Variants in PANK2 observed in about 807,000 individuals in gnomAD.
PANK2 encodes pantothenate kinase 2.
In PANK2, 36 loss-of-function variants were observed where a neutral mutation model predicts 43.1. That is an observed-to-expected ratio of 0.84 (90% CI 0.64 to 1.10). The LOEUF (loss-of-function observed/expected upper bound fraction) is 1.10, where lower values mean the gene tolerates loss of function less well. PANK2 is among the 50% of genes least tolerant of loss of function. PANK2 has a pLI of 0.00. For missense variants in PANK2, 576 were observed against 593.3 expected, an observed-to-expected ratio of 0.97 and a Z score of 0.30; for synonymous variants, 281 against 238.2, an observed-to-expected ratio of 1.18 and a Z score of -1.66.
chr20:3,889,444 T>C lies in PANK2; in HGVS notation c.14T>C (p.Leu5Pro). Residue 5 changes from leucine to proline, a missense_variant, in exon 1 of 7, where the codon CTC (leucine) becomes CCC (proline). Coordinates refer to ENST00000610179, the MANE Select transcript of PANK2 (RefSeq NM_001386393.1). ...AGGAATCCGACGCTGGGGGGCTTGC[T>C]CGGGCGGCAGCGACTGCTGCTGCGG... is the stretch of plus-strand genomic sequence containing the variant. The C allele has an allele frequency of 6.4e-7, 1 of 1,555,076 alleles. No individual in the cohort carries two copies. Among genetic ancestry groups the C allele is most frequent in the Non-Finnish European group, 8.6e-7 (1 of 1,156,542 alleles).
chr20:3,907,484 T>C (rs2146858149), intron 1 of PANK2, among the ~76,000 whole-genome samples: 1 of 152,272 alleles, frequency 6.6e-6, no homozygotes, highest in East Asian at 1.9e-4. Flanking sequence ...AATTGACCAT[T>C]GGAGGTTATA....
intron 4 of PANK2, among the ~76,000 whole-genome samples, chr20:3,913,799 T>G (rs1315015918): frequency 6.7e-6 from 1 of 148,172 alleles, no homozygotes; most frequent in Non-Finnish European, 1.5e-5. Context: ...TATTTTTTTT[T>G]TTTTTTTGAG....
At chr20:3,910,053 G>GA (rs571272076) in intron 2 of PANK2, among the ~76,000 whole-genome samples, 1 of 152,122 alleles carries the variant, frequency 6.6e-6, no homozygotes, top group Non-Finnish European at 1.5e-5. Context: ...TTTAGATAGT[G>GA]AAAAAAATCT....
chr20:3,917,942 C>G (rs1293349299), intron 5 of PANK2, among the ~76,000 whole-genome samples: 2 of 151,914 alleles, frequency 1.3e-5, no homozygotes, highest in African/African-American at 2.4e-5. Context: ...TTTATTTGAT[C>G]AAGTTCTTTT....
Position 3,889,481 on chromosome 20 carries a change from C to T in PANK2, c.51C>T (p.Gly17=), listed in dbSNP as rs1467534562. The change falls in exon 1 of 7, where the codon GGC becomes GGT. Residue 17 remains glycine (G), a synonymous_variant. Coordinates refer to ENST00000610179, the MANE Select transcript of PANK2 (RefSeq NM_001386393.1). ...GACTGCTGCTGCGGATGGGAGGGGG[C>T]CGGCTCGGCGCGCCCATGGAGCGCC... The T allele has an allele frequency of 1.3e-6, 2 of 1,493,760 alleles. No homozygotes were observed. Among genetic ancestry groups the T allele is most frequent in the Admixed American group, 4.7e-5 (2 of 42,972 alleles). 92.5% of individuals were successfully genotyped at this position (1,493,760 alleles called of 1,614,324 possible). A position where few individuals can be genotyped will look rare whatever the true frequency, so the allele number is the denominator to read the frequency against.
chr20:3,913,775 C>CATAT (rs1555788886), intron 4 of PANK2, among the ~76,000 whole-genome samples: 29 of 124,004 alleles, frequency 2.3e-4, no homozygotes, highest in Admixed American at 1.2e-3. Flanking sequence ...CACACACACA[C>CATAT]ATATATATAT....
chr20:3,892,466 T>C (rs1417900283), intron 1 of PANK2, among the ~76,000 whole-genome samples: 1 of 151,922 alleles, frequency 6.6e-6, no homozygotes, highest in Non-Finnish European at 1.5e-5. Context: ...GTTGGGAGGT[T>C]TGGGTATGGA....
Position 3,918,785 on chromosome 20 carries a change from T to C in PANK2, c.1321T>C (p.Ser441Pro). The stretch of plus-strand genomic sequence containing the variant: ...CAAGGGGCAGTTGAAAGCACTTTTT[T>C]CGGAACACGAGGTAAGCTGACTTGT... The change falls in exon 6 of 7, where the codon TCG (serine) becomes CCG (proline). Residue 441 changes from serine to proline, a missense_variant. By Grantham distance (74) the Ser-to-Pro change is moderately conservative. Coordinates refer to ENST00000610179, the MANE Select transcript of PANK2 (RefSeq NM_001386393.1). 6.2e-7 allele frequency: 1 copy of C among 1,614,244 alleles called. No individual in the cohort carries two copies. The highest frequency in any genetic ancestry group is 8.5e-7 in the Non-Finnish European group (1 of 1,180,036).
chr20:3,915,538 C>T (rs563210166), intron 4 of PANK2, among the ~76,000 whole-genome samples: 2 of 152,112 alleles, frequency 1.3e-5, no homozygotes, highest in African/African-American at 2.4e-5. Context: ...CCTCGTGATC[C>T]GCCCACCTTG....
At chr20:3,895,899 A>T (rs2090199143) in intron 1 of PANK2, among the ~76,000 whole-genome samples, 1 of 152,134 alleles carries the variant, frequency 6.6e-6, no homozygotes, top group Non-Finnish European at 1.5e-5. Context: ...TATTTTGGGA[A>T]TAAGAATAAT....
intron 2 of PANK2, 145 bp downstream of exon 2, chr20:3,908,423 G>T (rs1470421216): frequency 3.6e-6 from 3 of 824,130 alleles, no homozygotes; most frequent in Non-Finnish European, 5.7e-6. Context: ...CTAGTGATAG[G>T]AGTTGGCCAT....
upstream of PANK2, chr20:3,889,342 C>A (rs1458167287): frequency 1.9e-6 from 3 of 1,585,972 alleles, no homozygotes; most frequent in African/African-American, 1.3e-5. Flanking sequence ...TGGCTTCCTG[C>A]GCGTTGGCGC....
At chr20:3,890,051 C>G (rs2090094719) in intron 1 of PANK2, 1 of 754,046 alleles carries the variant, frequency 1.3e-6, no homozygotes, top group South Asian at 1.8e-5. Flanking sequence ...GAGAAGGCTT[C>G]TTTTGACTCA....
Position 3,916,975 on chromosome 20 carries a change from G to A in PANK2, c.1131G>A (p.Glu377=). The change falls in exon 5 of 7, where the codon GAG becomes GAA. Residue 377 remains glutamate (E), a synonymous_variant. Coordinates refer to ENST00000610179, the MANE Select transcript of PANK2 (RefSeq NM_001386393.1). ...AGAAGCGAGAGGCTGTCAGTAAAGA[G>A]GACCTGGCCAGAGCGACTTTGATCA... 1 of 1,614,066 alleles carries A rather than the reference G, an allele frequency of 6.2e-7. No homozygotes were observed. Among genetic ancestry groups the A allele is most frequent in the Non-Finnish European group, 8.5e-7 (1 of 1,180,012 alleles).
Position 3,923,518 on chromosome 20 carries a change from A to G in PANK2, c.*224A>G. On this transcript the variant is annotated 3_prime_UTR_variant, in exon 7 of 7. Coordinates refer to ENST00000610179, the MANE Select transcript of PANK2 (RefSeq NM_001386393.1). ...AACAACAAAAAAGTGGCACATGTCCAGGCAGTGTGAGGATTTGCTGTATAT... is the reference window on the plus strand; with the variant it reads ...AACAACAAAAAAGTGGCACATGTCCGGGCAGTGTGAGGATTTGCTGTATAT... 1.7e-6 allele frequency: 1 copy of G among 586,154 alleles called. No homozygotes were observed. The highest frequency in any genetic ancestry group is 3.0e-5 in the Admixed American group (1 of 33,524). The allele number at this position is 586,154 out of a possible 1,614,324, so 36.3% of individuals were successfully genotyped here. A position where few individuals can be genotyped will look rare whatever the true frequency, so the allele number is the denominator to read the frequency against.
At chr20:3,914,041 G>T (rs1013996932) in intron 4 of PANK2, among the ~76,000 whole-genome samples, 8 of 149,838 alleles carry the variant, frequency 5.3e-5, no homozygotes, top group East Asian at 4.1e-4. Context: ...CGCCCGCCTT[G>T]GCCTCCCAAA....
At position 3,889,721 on chromosome 20, in the gene PANK2, G is replaced by C. The variant is rs764439399; in HGVS notation, c.291G>C (p.Lys97Asn). Residue 97 changes from lysine to asparagine, a missense_variant, in exon 1 of 7, where the codon AAG (lysine) becomes AAC (asparagine). Physicochemically the swap from Lys to Asn is moderately conservative, Grantham distance 94. Around this residue, in one of 2 missense-constraint regions of PANK2, gnomAD observed 544 missense variants for 528.9 expected, o/e 1.03. Coordinates refer to ENST00000610179, the MANE Select transcript of PANK2 (RefSeq NM_001386393.1). The stretch of plus-strand genomic sequence containing the variant: ...AGCGCGTCGAAAGCCTGAGGAAAAA[G>C]CGGCCGCGTAAGTGTTCCGTGGGGC... 1 of 1,595,888 alleles carries C rather than the reference G, an allele frequency of 6.3e-7. No homozygotes were observed. The highest frequency in any genetic ancestry group is 1.1e-5 in the South Asian group (1 of 90,828).
chr20:3,893,604 A>G (rs1282053775), intron 1 of PANK2, among the ~76,000 whole-genome samples: 2 of 152,160 alleles, frequency 1.3e-5, no homozygotes, highest in African/African-American at 4.8e-5. Context: ...CTCGCAAGGC[A>G]TGTTGTAGCA....
intron 4 of PANK2, 144 bp from the exon 5 acceptor site, chr20:3,916,783 G>C: frequency 8.4e-7 from 1 of 1,195,338 alleles, no homozygotes; most frequent in South Asian, 1.3e-5. Context: ...TCTTTGAACA[G>C]ATGCTCCATT....
Sources: gnomAD v4.1 joint callset for allele counts (sites outside exome capture counted in the v4.1 genomes callset) on GRCh38, gnomAD v4.1.1 for gene constraint, gnomAD v4.1.1 regional missense constraint, MANE v1.5 for transcripts, NCBI Gene and HGNC (gene_info 2026-07-23, HGNC 2026-07-21) for gene names.